HS6ST3: variants seen among roughly 807,000 people sequenced by gnomAD.
HS6ST3 encodes heparan-sulfate 6-O-sulfotransferase 3.
In HS6ST3, 12 loss-of-function variants were observed where a neutral mutation model predicts 36.7. The observed-to-expected ratio is 0.33, with a 90% CI of 0.21 to 0.53. The LOEUF (loss-of-function observed/expected upper bound fraction) is 0.53. HS6ST3 is among the 20% of genes least tolerant of loss of function. HS6ST3 has a pLI of 0.95. For synonymous variants in HS6ST3, 240 were observed against 257.5 expected, an observed-to-expected ratio of 0.93 and a Z score of 0.65; for missense variants, 584 against 640.9, an observed-to-expected ratio of 0.91 and a Z score of 0.96.
chr13:96,686,858 T>C (rs2138441630), intron 1 of HS6ST3, among the ~76,000 whole-genome samples: 1 of 152,198 alleles, frequency 6.6e-6, no homozygotes, highest in South Asian at 2.1e-4. Flanking sequence ...TACACTTTAT[T>C]ACACATCTGT....
At chr13:96,170,922 C>T (rs547221841) in intron 1 of HS6ST3, among the ~76,000 whole-genome samples, 32 of 152,320 alleles carry the variant, frequency 2.1e-4, no homozygotes, top group African/African-American at 7.2e-4. Flanking sequence ...TTAAAACACA[C>T]GCGCACGTGC....
rs60692669 is a variant in HS6ST3, at chr13:96,132,121, T to TACAC, written c.707+40600_707+40603dup. 9.0e-3 allele frequency among the ~76,000 whole-genome samples: 1,211 copies of TACAC among 134,578 alleles called. 11 individuals are homozygous for TACAC. Among genetic ancestry groups the TACAC allele is most frequent in the South Asian group, 0.016 (59 of 3,670 alleles). 88.3% of individuals were successfully genotyped at this position (134,578 alleles called of 152,430 possible). ...TTTTTCAGACTGAATAGTATTCCAG[T>TACAC]ACACACACACACACACACACACACA... On this transcript the variant is annotated intron_variant, in intron 1 of 1. Coordinates refer to ENST00000376705, the MANE Select transcript of HS6ST3 (RefSeq NM_153456.4).
intron 1 of HS6ST3, among the ~76,000 whole-genome samples, chr13:96,399,703 T>C (rs549152476): frequency 5.3e-5 from 8 of 152,364 alleles, no homozygotes; most frequent in Non-Finnish European, 7.3e-5. Flanking sequence ...TCCAAGGGTC[T>C]CCCATGTACA....
chr13:96,467,697 A>G (rs2055821085), intron 1 of HS6ST3, among the ~76,000 whole-genome samples: 1 of 152,212 alleles, frequency 6.6e-6, no homozygotes, highest in South Asian at 2.1e-4. Flanking sequence ...CATTCTTCAC[A>G]TATTAACCCA....
chr13:96,798,641 A>G lies in HS6ST3; in HGVS notation c.708-33849A>G, dbSNP rs116073279. 5.8e-4 allele frequency among the ~76,000 whole-genome samples: 89 copies of G among 152,198 alleles called. 1 individual carries two copies. The highest frequency in any genetic ancestry group is 2.0e-3 in the African/African-American group (82 of 41,550). ...GGTCACTTAATTTCTCTGCGCCTCA[A>G]TGTCCTCATCTATAAAATAAGGATA... On this transcript the variant is annotated intron_variant, in intron 1 of 1. Coordinates refer to ENST00000376705, the MANE Select transcript of HS6ST3 (RefSeq NM_153456.4).
At chr13:96,657,863 T>G (rs1361045292) in intron 1 of HS6ST3, among the ~76,000 whole-genome samples, 1 of 152,172 alleles carries the variant, frequency 6.6e-6, no homozygotes, top group Non-Finnish European at 1.5e-5. Flanking sequence ...CAGCACACCA[T>G]AGCTAGTAGC....
chr13:96,237,287 T>C (rs1043179727), intron 1 of HS6ST3, among the ~76,000 whole-genome samples: 5 of 152,192 alleles, frequency 3.3e-5, no homozygotes, highest in Non-Finnish European at 7.3e-5. Flanking sequence ...TGCTTTTTCC[T>C]AACCAAATCT....
chr13:96,701,514 G>A (rs1161733007), intron 1 of HS6ST3, among the ~76,000 whole-genome samples: 1 of 152,064 alleles, frequency 6.6e-6, no homozygotes, highest in Non-Finnish European at 1.5e-5. Flanking sequence ...ATTCAACACT[G>A]TGGAGTTCAC....
intron 1 of HS6ST3, among the ~76,000 whole-genome samples, chr13:96,701,491 A>G (rs941062868): frequency 7.9e-5 from 12 of 152,116 alleles, no homozygotes; most frequent in African/African-American, 1.2e-4. Context: ...TTTTTCTCAG[A>G]TGTAGAAATA....
intron 1 of HS6ST3, among the ~76,000 whole-genome samples, chr13:96,153,874 T>C (rs1192547472): frequency 6.6e-6 from 1 of 152,168 alleles, no homozygotes; most frequent in Admixed American, 6.5e-5. Context: ...GAATCAGTAT[T>C]AGTATACAGT....
rs2056218679 is a variant in HS6ST3 at position 96,551,322 on chromosome 13, A to G, written c.708-281168A>G. On this transcript the variant is annotated intron_variant, in intron 1 of 1. Coordinates refer to ENST00000376705, the MANE Select transcript of HS6ST3 (RefSeq NM_153456.4). ...TTGGATGTCCTTCTATAGTTAATGA[A>G]CAGGCAGAGTTTTTTTCTTCTTTCT... Among the ~76,000 whole-genome samples the G allele has an allele frequency of 2.0e-5, 3 of 152,318 alleles. No homozygotes were observed. The East Asian group carries it at 5.8e-4, about 29-fold the overall frequency.
At chr13:96,780,823 A>G (rs1299738617) in intron 1 of HS6ST3, among the ~76,000 whole-genome samples, 2 of 151,998 alleles carry the variant, frequency 1.3e-5, no homozygotes, top group Non-Finnish European at 2.9e-5. Flanking sequence ...ACATGTGTCT[A>G]TGGACAAGCT....
intron 1 of HS6ST3, among the ~76,000 whole-genome samples, chr13:96,630,897 C>A (rs538567667): frequency 1.3e-5 from 2 of 152,126 alleles, no homozygotes; most frequent in Non-Finnish European, 2.9e-5. Context: ...GAAGTCCTTT[C>A]TATGTTGTCT....
At chr13:96,472,482 C>T (rs1006655604) in intron 1 of HS6ST3, among the ~76,000 whole-genome samples, 1 of 152,152 alleles carries the variant, frequency 6.6e-6, no homozygotes, top group African/African-American at 2.4e-5. Flanking sequence ...AAACTGAGGT[C>T]AAGAAAAGAC....
intron 1 of HS6ST3, among the ~76,000 whole-genome samples, chr13:96,125,223 GT>G (rs2053944929): frequency 6.6e-6 from 1 of 152,134 alleles, no homozygotes; most frequent in African/African-American, 2.4e-5. Flanking sequence ...CAGGGGGGTG[GT>G]TTTAATAGAA....
chr13:96,435,911 A>G (rs1255664408), intron 1 of HS6ST3, among the ~76,000 whole-genome samples: 1 of 152,164 alleles, frequency 6.6e-6, no homozygotes, highest in African/African-American at 2.4e-5. Flanking sequence ...CTATAGTAAC[A>G]TTGCTTTTCT....
chr13:96,368,194 T>C (rs2055272725), intron 1 of HS6ST3, among the ~76,000 whole-genome samples: 1 of 152,140 alleles, frequency 6.6e-6, no homozygotes, highest in Non-Finnish European at 1.5e-5. Context: ...AGGTTCTTAT[T>C]CTATGCTTGC....
At chr13:96,634,007 T>G (rs2056540613) in intron 1 of HS6ST3, among the ~76,000 whole-genome samples, 1 of 152,178 alleles carries the variant, frequency 6.6e-6, no homozygotes, top group Admixed American at 6.5e-5. Context: ...GTGCTGTTAT[T>G]AAGCAGACTC....
chr13:96,447,521 G>T (rs780438280), intron 1 of HS6ST3, among the ~76,000 whole-genome samples: 6 of 152,168 alleles, frequency 3.9e-5, no homozygotes, highest in Non-Finnish European at 7.3e-5. Flanking sequence ...TGCAAATGCT[G>T]GCTGTTAGAA....
Sources: allele counts gnomAD v4.1 joint callset (sites outside exome capture counted in the v4.1 genomes callset), GRCh38; gene constraint gnomAD v4.1.1; transcripts MANE v1.5; gene names NCBI Gene and HGNC (gene_info 2026-07-23, HGNC 2026-07-21).